Variants in KANK1 observed in about 807,000 individuals in gnomAD.
KANK1 encodes the protein KN motif and ankyrin repeat domain-containing protein 1.
KANK1 carries 109 observed loss-of-function variants against 106.2 expected under a neutral mutation model. That is an observed-to-expected ratio of 1.03 (90% CI 0.88 to 1.20). The LOEUF (loss-of-function observed/expected upper bound fraction) is 1.20. KANK1 is among the 50% of genes most tolerant of loss of function. The pLI, the probability that KANK1 is intolerant of heterozygous loss-of-function variation, is 0.00. For synonymous variants in KANK1, 873 were observed against 652.2 expected (o/e 1.34, Z -5.16); for missense variants, 2,399 against 1,710.7 (o/e 1.40, Z -7.10).
Position 558,315 on chromosome 9 carries a change from A to G in KANK1, c.-84+53561A>G, listed in dbSNP as rs567145285. The stretch of plus-strand genomic sequence containing the variant: ...ACACCCCACTGTTATTATTTGTGGC[A>G]GTTATGTTCTATAAAGTCGCTGTGG... On this transcript the variant is annotated intron_variant, in intron 1 of 11. Coordinates refer to ENST00000382297, the MANE Select transcript of KANK1 (RefSeq NM_015158.5). Among the ~76,000 whole-genome samples, 18 of 152,340 alleles carry G rather than the reference A, an allele frequency of 1.2e-4. 1 individual carries two copies. The highest frequency in any genetic ancestry group is 2.2e-4 in the Non-Finnish European group (15 of 68,024).
chr9:595,660 G>C (rs1826033261), intron 1 of KANK1, among the ~76,000 whole-genome samples: 1 of 151,666 alleles, frequency 6.6e-6, no homozygotes, highest in African/African-American at 2.4e-5. Context: ...TGAGTAGCTG[G>C]GACTGCAGGA....
chr9:615,945 A>G (rs2136257705), intron 1 of KANK1, among the ~76,000 whole-genome samples: 1 of 152,274 alleles, frequency 6.6e-6, no homozygotes, highest in East Asian at 1.9e-4. Context: ...CATATGTTCA[A>G]CAGCTGTGTT....
At position 572,269 on chromosome 9, in the gene KANK1, C is replaced by A. The variant is rs76115466; in HGVS notation, c.-84+67515C>A. On this transcript the variant is annotated intron_variant, in intron 1 of 11. Coordinates refer to ENST00000382297, the MANE Select transcript of KANK1 (RefSeq NM_015158.5). ...CTCCTGGGCTCAAGGCATCCTCCTGCCTCAGCCTCTTGAACAGCTAGGACT... is the reference window on the plus strand; with the variant it reads ...CTCCTGGGCTCAAGGCATCCTCCTGACTCAGCCTCTTGAACAGCTAGGACT... Among the ~76,000 whole-genome samples, 220 of 151,544 alleles carry A rather than the reference C, an allele frequency of 1.5e-3. 3 individuals are homozygous for A. The East Asian group carries it at 0.036, about 25-fold the overall frequency.
intron 1 of KANK1, among the ~76,000 whole-genome samples, chr9:546,946 A>G (rs2060968583): frequency 6.6e-6 from 1 of 152,224 alleles, no homozygotes; most frequent in Admixed American, 6.5e-5. Flanking sequence ...AGGAAAGAGT[A>G]CAAATGGTTC....
chr9:515,616 C>A (rs7038366), intron 1 of KANK1, among the ~76,000 whole-genome samples: 43,305 of 151,552 alleles, frequency 0.29, 10,545 homozygotes, highest in African/African-American at 0.66. Flanking sequence ...AATTTGTTAA[C>A]TCAGTCTATT....
chr9:595,727 G>T (rs1022479901), intron 1 of KANK1, among the ~76,000 whole-genome samples: 1 of 151,628 alleles, frequency 6.6e-6, no homozygotes, highest in Admixed American at 6.6e-5. Flanking sequence ...TTGCTTTGTT[G>T]CCCAGGTTGG....
chr9:655,664 G>A (rs546016683), intron 1 of KANK1, among the ~76,000 whole-genome samples: 1 of 152,266 alleles, frequency 6.6e-6, no homozygotes, highest in East Asian at 1.9e-4. Context: ...AGAAAGTGTT[G>A]ACCTATGTAA....
chr9:581,188 G>A (rs1303475831), intron 1 of KANK1, among the ~76,000 whole-genome samples: 3 of 152,198 alleles, frequency 2.0e-5, no homozygotes, highest in Admixed American at 2.0e-4. Flanking sequence ...GAGGGAGCCG[G>A]CTCCGGCCTC....
intron 1 of KANK1, among the ~76,000 whole-genome samples, chr9:656,483 C>G (rs1456757178): frequency 1.3e-5 from 2 of 152,138 alleles, no homozygotes; most frequent in African/African-American, 2.4e-5. Flanking sequence ...GGACAAGGCT[C>G]TGTCTCCTGG....
At chr9:474,819 C>T (rs961523968) in intron 3 of KANK1, among the ~76,000 whole-genome samples, 2 of 152,166 alleles carry the variant, frequency 1.3e-5, no homozygotes, top group African/African-American at 4.8e-5. Flanking sequence ...GCTGTCTAGG[C>T]CATCTAGACT....
At chr9:696,112 G>C (rs184932390) in intron 2 of KANK1, among the ~76,000 whole-genome samples, 2 of 152,048 alleles carry the variant, frequency 1.3e-5, no homozygotes, top group Non-Finnish European at 2.9e-5. Context: ...GTGAAACGCC[G>C]TCTCTACTAA....
At chr9:475,154 A>G (rs1455107567) in intron 3 of KANK1, among the ~76,000 whole-genome samples, 1 of 152,204 alleles carries the variant, frequency 6.6e-6, no homozygotes, top group Non-Finnish European at 1.5e-5. Flanking sequence ...GGTGGGCTCA[A>G]GCATGTGCAC....
At chr9:623,073 A>G (rs1157047500) in intron 1 of KANK1, among the ~76,000 whole-genome samples, 2 of 152,184 alleles carry the variant, frequency 1.3e-5, no homozygotes, top group East Asian at 3.8e-4. Context: ...ACATCAAGCC[A>G]AAAAGCTTCT....
chr9:521,118 T>C (rs956001953), intron 1 of KANK1, among the ~76,000 whole-genome samples: 5 of 151,812 alleles, frequency 3.3e-5, no homozygotes, highest in African/African-American at 9.7e-5. Context: ...TTCTGTCTTA[T>C]ATAAAAGATA....
upstream of KANK1, among the ~76,000 whole-genome samples, chr9:501,756 C>G (rs1024399902): frequency 7.9e-5 from 12 of 152,096 alleles, no homozygotes; most frequent in Non-Finnish European, 1.0e-4. Flanking sequence ...ACTTTATTGC[C>G]CAGGCTGGTC....
chr9:645,126 C>CAAAA (rs56391632), intron 1 of KANK1, among the ~76,000 whole-genome samples: 11,980 of 70,442 alleles, frequency 0.17, 1,290 homozygotes, highest in East Asian at 0.2. Context: ...TCCATCTCTA[C>CAAAA]AAAAAAAAAA....
intron 1 of KANK1, among the ~76,000 whole-genome samples, chr9:554,861 T>C (rs2061487895): frequency 6.6e-6 from 1 of 152,200 alleles, no homozygotes; most frequent in African/African-American, 2.4e-5. Context: ...AAACGAGATC[T>C]TTCGTGGCAA....
rs1382249845 is a variant in KANK1, at chr9:651,272, T to G, written c.-83-25618T>G. On this transcript the variant is annotated intron_variant, in intron 1 of 11. Transcript: ENST00000382297. ...TTAATACATGTGCATTTTATATTTT[T>G]CTTTATATTCTTTGTTCTCTTCCTT... Among the ~76,000 whole-genome samples, 4 of 152,232 alleles carry G rather than the reference T, an allele frequency of 2.6e-5. No individual in the cohort carries two copies. In the East Asian group the frequency reaches 7.7e-4, roughly 29 times the overall value.
chr9:569,606 A>G (rs550744159), intron 1 of KANK1, among the ~76,000 whole-genome samples: 1 of 152,312 alleles, frequency 6.6e-6, no homozygotes, highest in South Asian at 2.1e-4. Context: ...CCTTTTCTGT[A>G]TAAATTACCC....
Sources: gnomAD v4.1 joint callset for allele counts (sites outside exome capture counted in the v4.1 genomes callset) on GRCh38, gnomAD v4.1.1 for gene constraint, MANE v1.5 for transcripts, NCBI Gene and HGNC (gene_info 2026-07-23, HGNC 2026-07-21) for gene names.